GOLGA8S: variants seen among roughly 807,000 people sequenced by gnomAD.
GOLGA8S encodes golgin A8 family member S.
Under a neutral mutation model 58.9 loss-of-function variants are expected in GOLGA8S, and 23 were observed. That is an observed-to-expected ratio of 0.39 (90% CI 0.28 to 0.55). The LOEUF is 0.55. Ranked by LOEUF, GOLGA8S falls within the 20% of genes least tolerant of loss-of-function variation. GOLGA8S has a pLI of 0.63. For missense variants in GOLGA8S, 266 were observed against 514.2 expected, an observed-to-expected ratio of 0.52 and a Z score of 4.67; for synonymous variants, 84 against 195.7, an observed-to-expected ratio of 0.43 and a Z score of 4.76.
At chr15:23,365,362 T>C (rs2069903176), downstream of GOLGA8S, 1 of 622,518 alleles carries the variant, frequency 1.6e-6, no homozygotes, top group Admixed American at 3.0e-5. Flanking sequence ...TTTTCTTTTT[T>C]AATTTCATAA....
chr15:23,364,700 T>C lies in GOLGA8S; in HGVS notation c.1547-19T>C, dbSNP rs1000450653. On this transcript the variant is annotated intron_variant, in intron 17 of 18. Coordinates refer to ENST00000562295, the Ensembl canonical transcript of GOLGA8S. ...TGGGCGCAGGCAGCGGCATGGCAGC[T>C]GAGCACCCCTCCCTCCAGATGAAGC... The C allele has an allele frequency of 1.3e-6, 2 of 1,504,784 alleles. No homozygotes were observed. Among genetic ancestry groups the C allele is most frequent in the Non-Finnish European group, 1.8e-6 (2 of 1,119,972 alleles). The allele number at this position is 1,504,784 out of a possible 1,614,324, so 93.2% of individuals were successfully genotyped here.
chr15:23,361,062 G>A (rs1265962247), intron 11 of GOLGA8S, among the ~76,000 whole-genome samples, 159 bp from the exon 12 acceptor site: 1 of 149,938 alleles, frequency 6.7e-6, no homozygotes, highest in African/African-American at 2.5e-5. Context: ...GCTACCATCT[G>A]GGTGCGAGGA....
rs4036660 is a variant in GOLGA8S, at chr15:23,364,502, C to A, written c.1449-24C>A. On this transcript the variant is annotated intron_variant, in intron 16 of 18. Coordinates refer to ENST00000562295, the Ensembl canonical transcript of GOLGA8S. ...TACAGGGCCGTCGGAGGGGCCCCAG[C>A]GTCTGAGCCCTGTCCTCCCGCAGGA... 15 of 1,604,272 alleles carry A rather than the reference C, an allele frequency of 9.4e-6. No individual in the cohort carries two copies. The Admixed American group carries it at 1.0e-4, about 11-fold the overall frequency.
chr15:23,361,157 T>G (rs1288317579), intron 11 of GOLGA8S, 64 bp from the exon 12 acceptor site: 2 of 1,001,386 alleles, frequency 2.0e-6, no homozygotes, highest in African/African-American at 2.7e-5. Flanking sequence ...TTCTTTTCTT[T>G]TCTTTTCTTT....
chr15:23,366,588 T>C (rs2069926553), downstream of GOLGA8S: 2 of 152,212 alleles, frequency 1.3e-5, no homozygotes, highest in South Asian at 4.2e-4. Context: ...AATCACAGAG[T>C]TATATTTTCT....
chr15:23,365,297 AAG>A (rs2069902007), downstream of GOLGA8S: 1 of 838,968 alleles, frequency 1.2e-6, no homozygotes, highest in African/African-American at 1.7e-5. Context: ...AAAAAGTTAA[AAG>A]AGAGTGGGTG....
At chr15:23,367,755 T>G (rs2069944917), downstream of GOLGA8S, among the ~76,000 whole-genome samples, 1 of 151,896 alleles carries the variant, frequency 6.6e-6, no homozygotes, top group African/African-American at 2.4e-5. Context: ...AACATTGGAA[T>G]GTTAGAGTTC....
chr15:23,366,619 G>A (rs2069926890), downstream of GOLGA8S: 2 of 152,188 alleles, frequency 1.3e-5, no homozygotes, highest in Admixed American at 1.3e-4. Flanking sequence ...TTTACAAAGT[G>A]AAATATGTTT....
At chr15:23,363,060 GC>G in intron 13 of GOLGA8S, 104 bp from the exon 14 acceptor site, 1 of 585,420 alleles carries the variant, frequency 1.7e-6, no homozygotes, top group Non-Finnish European at 2.8e-6. Context: ...GAGATGGCCT[GC>G]CAAAAGTTGC....
At position 23,363,772 on chromosome 15, in the gene GOLGA8S, G is replaced by A. The variant is rs544670760; in HGVS notation, c.1347+3G>A. 1,151 of 581,732 alleles carry A rather than the reference G, an allele frequency of 2.0e-3. 160 individuals are homozygous for A. The highest frequency in any genetic ancestry group is 0.013 in the African/African-American group (515 of 39,662). The allele number at this position is 581,732 out of a possible 1,614,324, so 36.0% of individuals were successfully genotyped here. A position where few individuals can be genotyped will look rare whatever the true frequency, so the allele number is the denominator to read the frequency against. The stretch of plus-strand genomic sequence containing the variant: ...ACCTGGAGAGCAGGGAGGCCATGGT[G>A]AGCCTGACTCCCCCTGCACCCATTT... On this transcript the variant is annotated splice_donor_region_variant and intron_variant, in intron 15 of 18. Coordinates refer to ENST00000562295, the Ensembl canonical transcript of GOLGA8S.
chr15:23,366,160 C>G (rs1487274258), downstream of GOLGA8S: 1 of 151,762 alleles, frequency 6.6e-6, no homozygotes, highest in Non-Finnish European at 1.5e-5. Flanking sequence ...AAATCCTTTA[C>G]GAGTTCAAAT....
intron 12 of GOLGA8S, 98 bp from the exon 13 acceptor site, chr15:23,361,625 TA>T (rs1222000627): frequency 1.6e-6 from 1 of 613,392 alleles, no homozygotes; most frequent in African/African-American, 2.0e-5. Flanking sequence ...ATGATTTTTC[TA>T]ACCTGCCTCC....
At chr15:23,364,562 T>C in exon 17 of GOLGA8S, 1 of 1,577,276 alleles carries the variant, frequency 6.3e-7, no homozygotes, top group Non-Finnish European at 8.6e-7. Flanking sequence ...CAGGGGGCCG[T>C]GCCAAAGATG....
intron 4 of GOLGA8S, 57 bp downstream of exon 4, chr15:23,357,676 C>A: frequency 1.4e-6 from 1 of 696,794 alleles, no homozygotes; most frequent in Non-Finnish European, 2.5e-6. Flanking sequence ...CTCTAGTTTC[C>A]CCTTGGGGCC....
chr15:23,364,321 G>C (rs776233414), intron 15 of GOLGA8S, 22 bp from the exon 16 acceptor site: 5 of 1,598,688 alleles, frequency 3.1e-6, no homozygotes, highest in Admixed American at 1.7e-5. Context: ...GCCGAGATGT[G>C]ACTACAATAT....
At chr15:23,364,179 A>T (rs2069863493) in intron 15 of GOLGA8S, among the ~76,000 whole-genome samples, 164 bp from the exon 16 acceptor site, 1 of 143,794 alleles carries the variant, frequency 7.0e-6, no homozygotes, top group Admixed American at 7.2e-5. Context: ...CTGGAGCCCC[A>T]GGGCCTGGGG....
exon 12 of GOLGA8S, chr15:23,361,271 C>G: frequency 6.7e-7 from 1 of 1,488,528 alleles, no homozygotes; most frequent in South Asian, 1.1e-5. Flanking sequence ...GGCGGAGCTG[C>G]AGCACCTGAG....
intron 4 of GOLGA8S, among the ~76,000 whole-genome samples, 196 bp from the exon 5 acceptor site, chr15:23,358,276 G>A (rs1287151112): frequency 6.6e-6 from 1 of 152,298 alleles, no homozygotes; most frequent in Non-Finnish European, 1.5e-5. Flanking sequence ...CAGTTCTGTG[G>A]CTGTGGGCAA....
intron 10 of GOLGA8S, 79 bp from the exon 11 acceptor site, chr15:23,360,649 G>T: frequency 8.0e-7 from 1 of 1,252,098 alleles, no homozygotes; most frequent in Non-Finnish European, 1.2e-6. Flanking sequence ...TTGTGGAGGT[G>T]GGGGCAGAGA....
Sources: gnomAD v4.1 joint callset for allele counts (sites outside exome capture counted in the v4.1 genomes callset) on GRCh38, gnomAD v4.1.1 for gene constraint, MANE v1.5 for transcripts, NCBI Gene and HGNC (gene_info 2026-07-23, HGNC 2026-07-21) for gene names.